NDRG2: variants seen among roughly 807,000 people sequenced by gnomAD.
The protein encoded by NDRG2 is protein NDRG2.
A neutral mutation model predicts 58.2 loss-of-function variants in NDRG2; 34 were observed. The ratio of observed to expected loss-of-function variants is 0.58; its 90% CI spans 0.44 to 0.78. The LOEUF is 0.78. Ranked by LOEUF, NDRG2 falls within the 30% of genes least tolerant of loss-of-function variation. The pLI is 0.00. For synonymous variants in NDRG2, 187 were observed against 175.9 expected (o/e 1.06, Z -0.50); for missense variants, 434 against 471.2 (o/e 0.92, Z 0.73).
upstream of NDRG2, chr14:21,025,113 G>T (rs1009702845): frequency 2.0e-6 from 2 of 982,698 alleles, no homozygotes; most frequent in Non-Finnish European, 2.4e-6. The surrounding 1 kb of genome is among the most constrained non-coding windows in gnomAD (Gnocchi z 5.1). Context: ...CCCGCCCCCG[G>T]CCCGCCCCAG....
chr14:21,027,549 C>T (rs916905926), upstream of NDRG2, among the ~76,000 whole-genome samples: 2 of 152,166 alleles, frequency 1.3e-5, no homozygotes, highest in Non-Finnish European at 2.9e-5. Context: ...TTAGAGATTT[C>T]CAACCCCACA....
At chr14:21,027,483 A>G (rs952665143), upstream of NDRG2, among the ~76,000 whole-genome samples, 3 of 152,226 alleles carry the variant, frequency 2.0e-5, no homozygotes, top group Non-Finnish European at 4.4e-5. Flanking sequence ...TATAAGATCA[A>G]TCATTTGGAC....
rs561562866 is a variant in NDRG2, at chr14:21,024,345, G to A, written c.-322C>T. ...GAGAGAAGGAAGTGCTGATGTGGAG[G>A]TAAGAGGGTGGCCCTGTCAGAACCT... On this transcript the variant is annotated 5_prime_UTR_variant, in exon 1 of 16. Coordinates refer to ENST00000556147, the MANE Select transcript of NDRG2 (RefSeq NM_001320329.2). 9.2e-6 allele frequency: 9 copies of A among 976,030 alleles called. No homozygotes were observed. The African/African-American group carries it at 1.2e-4, about 13-fold the overall frequency. The allele number at this position is 976,030 out of a possible 1,614,324, so 60.5% of individuals were successfully genotyped here. A position where few individuals can be genotyped will look rare whatever the true frequency, so the allele number is the denominator to read the frequency against.
chr14:21,036,526 G>A (rs879559651), intron 1 of NDRG2, among the ~76,000 whole-genome samples: 28 of 152,142 alleles, frequency 1.8e-4, no homozygotes, highest in Admixed American at 1.5e-3. Flanking sequence ...CATGTGACCC[G>A]CGGGCCATGG....
chr14:21,018,650 C>T, intron 12 of NDRG2, 113 bp downstream of exon 12: 5 of 1,573,878 alleles, frequency 3.2e-6, no homozygotes, highest in Non-Finnish European at 4.3e-6. Flanking sequence ...CTTAGTGCCC[C>T]AAAGTTGATC....
chr14:21,026,665 A>T (rs1379192558), upstream of NDRG2, among the ~76,000 whole-genome samples: 18 of 151,916 alleles, frequency 1.2e-4, no homozygotes, highest in Admixed American at 1.0e-3. Context: ...CCCAGCCTTC[A>T]ACAACCCCAA....
intron 1 of NDRG2, among the ~76,000 whole-genome samples, chr14:21,064,511 A>G (rs1886149743): frequency 6.6e-6 from 1 of 152,164 alleles, no homozygotes; most frequent in Admixed American, 6.5e-5. Context: ...CATGTTGGCC[A>G]GGCTCGTCTT....
At position 21,053,622 on chromosome 14, in the gene NDRG2, G is replaced by A. The variant is rs377113246; in HGVS notation, c.24+17206C>T. On this transcript the variant is annotated intron_variant, in intron 1 of 14. Transcript: ENST00000403829. ...AGCCTGGGCGGCAGAGCAAGACTCC[G>A]TCTCAGAAAAAAAAAGAAAAGAAAA... Among the ~76,000 whole-genome samples, 56 of 151,924 alleles carry A rather than the reference G, an allele frequency of 3.7e-4. No individual in the cohort carries two copies. The South Asian group carries it at 0.01, about 28-fold the overall frequency.
chr14:21,038,332 T>G, intron 1 of NDRG2, among the ~76,000 whole-genome samples: 1 of 152,218 alleles, frequency 6.6e-6, no homozygotes, highest in East Asian at 1.9e-4. Context: ...ATGTAACGGG[T>G]GGTCCTCATC....
chr14:21,048,886 C>G (rs1349729605), intron 1 of NDRG2, among the ~76,000 whole-genome samples: 1 of 152,078 alleles, frequency 6.6e-6, no homozygotes, highest in Non-Finnish European at 1.5e-5. Flanking sequence ...AGGGAAGGTT[C>G]AAGGTCAGAC....
At chr14:21,046,248 G>A (rs1594501409) in intron 1 of NDRG2, among the ~76,000 whole-genome samples, 2 of 152,142 alleles carry the variant, frequency 1.3e-5, no homozygotes, top group African/African-American at 2.4e-5. Flanking sequence ...GCTCAGCCAG[G>A]CACAGTGGCT....
At position 21,019,677 on chromosome 14, in the gene NDRG2, G is replaced by C. The variant is rs1239995594; in HGVS notation, c.678C>G (p.Asn226Lys). Residue 226 changes from asparagine to lysine, a missense_variant, in exon 10 of 16, where the codon AAC becomes AAG. Asn to Lys is a moderately conservative substitution (Grantham distance 94). Transcript: ENST00000556147. ...KYRNIITHAP[N>K]LDNIELYWNS... The stretch of plus-strand genomic sequence containing the variant: ...TCCAGTACAATTCAATGTTATCCAG[G>C]TTGGGTGCATGTGTAATGATATTTC... 1.2e-6 allele frequency: 2 copies of C among 1,613,658 alleles called. No individual in the cohort carries two copies. Among genetic ancestry groups the C allele is most frequent in the Admixed American group, 3.3e-5 (2 of 60,008 alleles).
rs766585061 is a variant in NDRG2 at position 21,022,229 on chromosome 14, C to T, written c.224-47G>A. 31 of 1,613,598 alleles carry T rather than the reference C, an allele frequency of 1.9e-5. No individual in the cohort carries two copies. In the Middle Eastern group the frequency reaches 4.9e-4, roughly 26 times the overall value. The stretch of plus-strand genomic sequence containing the variant: ...TCAACAATAGAATCAGACAGGGACT[C>T]GTGTCCCCCAGTCAGAACTCACCCT... On this transcript the variant is annotated intron_variant, in intron 4 of 15. Coordinates refer to ENST00000556147, the MANE Select transcript of NDRG2 (RefSeq NM_001320329.2).
intron 1 of NDRG2, chr14:21,031,141 A>C: frequency 1.2e-6 from 2 of 1,614,044 alleles, no homozygotes; most frequent in South Asian, 2.2e-5. Context: ...TGGAGGGCAA[A>C]GACCCAGCCA....
At chr14:21,037,469 A>C (rs1261795) in intron 1 of NDRG2, among the ~76,000 whole-genome samples, 4 of 152,134 alleles carry the variant, frequency 2.6e-5, no homozygotes, top group Admixed American at 6.5e-5. Context: ...CTAATTCAGT[A>C]GTTCCAGGGA....
intron 1 of NDRG2, among the ~76,000 whole-genome samples, chr14:21,059,102 G>A (rs1885817882): frequency 6.6e-6 from 1 of 152,192 alleles, no homozygotes; most frequent in Non-Finnish European, 1.5e-5. Context: ...AGGACAGGCT[G>A]AGCCCTGGGA....
At chr14:21,068,335 C>T (rs1432068550) in intron 1 of NDRG2, among the ~76,000 whole-genome samples, 2 of 151,884 alleles carry the variant, frequency 1.3e-5, no homozygotes, top group African/African-American at 4.8e-5. Flanking sequence ...AAAAATGATC[C>T]ACTCCCTTTT....
intron 1 of NDRG2, chr14:21,047,047 A>G (rs183446512): frequency 6.6e-6 from 1 of 152,296 alleles, no homozygotes; most frequent in East Asian, 1.9e-4. Flanking sequence ...ATCAAGGGAC[A>G]TAAGGTTCTC....
At chr14:21,032,094 A>G in intron 1 of NDRG2, 1 of 1,606,382 alleles carries the variant, frequency 6.2e-7, no homozygotes, top group Non-Finnish European at 8.5e-7. Context: ...GCTTCATCTC[A>G]GCCTGCTAGC....
Sources: gnomAD v4.1 joint callset for allele counts (sites outside exome capture counted in the v4.1 genomes callset) on GRCh38, gnomAD v4.1.1 for gene constraint, Gnocchi (gnomAD v3.1) non-coding constraint, MANE v1.5 for transcripts, NCBI Gene and HGNC (gene_info 2026-07-23, HGNC 2026-07-21) for gene names.